Variants in AAMDC observed in about 807,000 individuals in gnomAD.
The protein encoded by AAMDC is adipogenesis associated Mth938 domain containing.
Under a neutral mutation model 15.5 loss-of-function variants are expected in AAMDC, and 16 were observed. The ratio of observed to expected loss-of-function variants is 1.03; its 90% confidence interval spans 0.70 to 1.57. The LOEUF (loss-of-function observed/expected upper bound fraction) is 1.57. Ranked by LOEUF, AAMDC falls within the 40% of genes most tolerant of loss-of-function variation. The pLI is 0.00. For synonymous variants in AAMDC, 51 were observed against 51.6 expected (o/e 0.99, Z 0.05); for missense variants, 141 against 144.9 (o/e 0.97, Z 0.14).
chr11:77,871,972 A>G (rs1951450439), intron 3 of AAMDC, among the ~76,000 whole-genome samples: 1 of 152,222 alleles, frequency 6.6e-6, no homozygotes. Flanking sequence ...AGCTTTATGC[A>G]TGGGTATTAT....
At chr11:77,878,187 C>A (rs1163246140) in intron 5 of AAMDC, among the ~76,000 whole-genome samples, 2 of 151,810 alleles carry the variant, frequency 1.3e-5, no homozygotes, top group African/African-American at 2.4e-5. Flanking sequence ...ATGGTGAAAC[C>A]CCGTCTCTAC....
chr11:77,854,327 GA>G (rs1226578318), intron 2 of AAMDC, among the ~76,000 whole-genome samples: 1 of 152,066 alleles, frequency 6.6e-6, no homozygotes, highest in Non-Finnish European at 1.5e-5. Flanking sequence ...AGCATTAACT[GA>G]AAAGTCCACA....
At chr11:77,841,232 C>T (rs1250039154) in intron 1 of AAMDC, 1 of 702,410 alleles carries the variant, frequency 1.4e-6, no homozygotes, top group Non-Finnish European at 2.6e-6. Flanking sequence ...AAGGTCCCAC[C>T]TCTTAATGTT....
chr11:77,900,809 C>T (rs1163219967), downstream of AAMDC: 4 of 592,458 alleles, frequency 6.8e-6, no homozygotes, highest in Non-Finnish European at 1.2e-5. Flanking sequence ...GAAAGTCTTA[C>T]AGATATAATT....
chr11:77,848,095 C>T (rs1484298424), intron 2 of AAMDC, among the ~76,000 whole-genome samples: 2 of 152,220 alleles, frequency 1.3e-5, no homozygotes, highest in Admixed American at 1.3e-4. Context: ...CATAGACATT[C>T]TCACAGACAA....
At chr11:77,886,166 T>C (rs889966470) in intron 5 of AAMDC, among the ~76,000 whole-genome samples, 1 of 151,932 alleles carries the variant, frequency 6.6e-6, no homozygotes, top group African/African-American at 2.4e-5. Flanking sequence ...ACCATGCCAC[T>C]GCACTCCAGC....
chr11:77,873,829 C>T (rs1951522526), downstream of AAMDC, among the ~76,000 whole-genome samples: 1 of 152,174 alleles, frequency 6.6e-6, no homozygotes, highest in Admixed American at 6.5e-5. Context: ...CTTGGCAGCT[C>T]TTTTAACTAG....
intron 2 of AAMDC, among the ~76,000 whole-genome samples, chr11:77,864,080 C>A (rs947687056): frequency 2.6e-5 from 4 of 151,760 alleles, no homozygotes; most frequent in Non-Finnish European, 4.4e-5. Context: ...GTGCCTGCTA[C>A]CACACCCAGC....
At chr11:77,880,462 A>G (rs1456743855) in intron 5 of AAMDC, among the ~76,000 whole-genome samples, 3 of 152,236 alleles carry the variant, frequency 2.0e-5, no homozygotes, top group African/African-American at 7.2e-5. Context: ...CACTCACATG[A>G]CAACATGAGG....
At chr11:77,894,167 G>A (rs557035927) in intron 5 of AAMDC, 9 of 586,320 alleles carry the variant, frequency 1.5e-5, no homozygotes, top group Middle Eastern at 2.6e-4. Flanking sequence ...CATGGCCACA[G>A]ATGATAGCTT....
chr11:77,900,200 A>G (rs1269552512), intron 5 of AAMDC, among the ~76,000 whole-genome samples: 1 of 152,056 alleles, frequency 6.6e-6, no homozygotes, highest in East Asian at 1.9e-4. Context: ...CCCAGGTTCT[A>G]AAGATTCTCC....
chr11:77,879,139 A>G, intron 5 of AAMDC: 1 of 1,613,822 alleles, frequency 6.2e-7, no homozygotes, highest in Non-Finnish European at 8.5e-7. Flanking sequence ...TGAAAAAAAG[A>G]TAAAAGAAAT....
chr11:77,891,360 G>T, intron 5 of AAMDC: 1 of 1,611,156 alleles, frequency 6.2e-7, no homozygotes, highest in African/African-American at 1.3e-5. Flanking sequence ...ACATGCTCCA[G>T]GGTTGCATCA....
At chr11:77,838,209 A>G (rs1468738887) in intron 1 of AAMDC, among the ~76,000 whole-genome samples, 1 of 123,816 alleles carries the variant, frequency 8.1e-6, no homozygotes, top group African/African-American at 2.6e-5. Context: ...CAAATTGACA[A>G]GATGTAGACT....
intron 3 of AAMDC, 41 bp downstream of exon 3, chr11:77,869,858 G>C: frequency 6.3e-7 from 1 of 1,578,612 alleles, no homozygotes; most frequent in Non-Finnish European, 8.7e-7. Flanking sequence ...GACAGGTGGG[G>C]ATCTCTTGGG....
intron 2 of AAMDC, among the ~76,000 whole-genome samples, chr11:77,854,879 C>T (rs1420886014): frequency 6.6e-6 from 1 of 152,220 alleles, no homozygotes; most frequent in African/African-American, 2.4e-5. Flanking sequence ...TACGCACCCC[C>T]AGCAGACTTC....
intron 2 of AAMDC, among the ~76,000 whole-genome samples, chr11:77,857,699 GTT>G (rs780960090): frequency 4.4e-5 from 6 of 137,670 alleles, no homozygotes; most frequent in Admixed American, 1.5e-4. Flanking sequence ...CAACTAAGTT[GTT>G]TTTTTTTTTT....
At chr11:77,847,386 T>C (rs1281281277) in intron 2 of AAMDC, among the ~76,000 whole-genome samples, 1 of 152,234 alleles carries the variant, frequency 6.6e-6, no homozygotes, top group Non-Finnish European at 1.5e-5. Context: ...TAAACAGTTA[T>C]GCCTACAAAA....
intron 5 of AAMDC, among the ~76,000 whole-genome samples, chr11:77,899,093 G>A (rs1952663189): frequency 6.6e-6 from 1 of 152,108 alleles, no homozygotes; most frequent in Non-Finnish European, 1.5e-5. Context: ...ACCCTGTGAG[G>A]AAGAGATAGG....
Sources: allele counts gnomAD v4.1 joint callset (sites outside exome capture counted in the v4.1 genomes callset), GRCh38; gene constraint gnomAD v4.1.1; transcripts MANE v1.5; gene names NCBI Gene and HGNC (gene_info 2026-07-23, HGNC 2026-07-21).